IFT172: variants seen among roughly 807,000 people sequenced by gnomAD.
IFT172 encodes the protein intraflagellar transport protein 172 homolog.
A neutral mutation model predicts 248.9 loss-of-function variants in IFT172; 164 were observed. The observed-to-expected ratio is 0.66, with a 90% CI of 0.58 to 0.75. IFT172 has a LOEUF of 0.75. IFT172 is among the 30% of genes least tolerant of loss of function. The pLI is 0.00. For missense variants in IFT172, 1,950 were observed against 2,192.4 expected (o/e 0.89, Z 2.21); for synonymous variants, 729 against 791.6 (o/e 0.92, Z 1.33).
intron 23 of IFT172, among the ~76,000 whole-genome samples, chr2:27,460,801 G>A (rs1468415843): frequency 2.3e-5 from 3 of 132,720 alleles, no homozygotes; most frequent in African/African-American, 2.9e-5. Flanking sequence ...AGAGGCTGGC[G>A]GGATCCTCCA....
chr2:27,488,777 G>A (rs1157529530), intron 1 of IFT172, among the ~76,000 whole-genome samples: 1 of 152,156 alleles, frequency 6.6e-6, no homozygotes, highest in Non-Finnish European at 1.5e-5. Context: ...TATAATAAAG[G>A]CTAAAGTTAG....
Position 27,472,294 on chromosome 2 carries a change from T to C in IFT172, c.1480A>G (p.Asn494Asp). 6.2e-7 allele frequency: 1 copy of C among 1,614,050 alleles called. No homozygotes were observed. Among genetic ancestry groups the C allele is most frequent in the Non-Finnish European group, 8.5e-7 (1 of 1,180,004 alleles). The change falls in exon 15 of 48, where the codon AAT (asparagine) becomes GAT (aspartate). Residue 494 changes from asparagine to aspartate, a missense_variant. Around this residue, in one of 3 missense-constraint regions of IFT172, gnomAD observed 1,166 missense variants for 1,254.1 expected, o/e 0.93. Transcript: ENST00000260570. ...AAGAGGAGCTTGTGTCCAGTCTCAT[T>C]AAGTTCCAGCCAATCCACACGGCTC... ...HESRVDWLEL[N>D]ETGHKLLFRD...
chr2:27,476,353 C>T (rs1446082902), intron 14 of IFT172, among the ~76,000 whole-genome samples: 2 of 152,118 alleles, frequency 1.3e-5, no homozygotes, highest in Non-Finnish European at 2.9e-5. Flanking sequence ...TCACTGCAGC[C>T]TTGGACTACT....
rs1243013972 is a variant in IFT172 at position 27,463,111 on chromosome 2, C to T, written c.2008G>A (p.Val670Ile). 1.9e-6 allele frequency: 3 copies of T among 1,614,008 alleles called. No homozygotes were observed. The highest frequency in any genetic ancestry group is 2.5e-6 in the Non-Finnish European group (3 of 1,180,010). The change falls in exon 19 of 48, where the codon GTA becomes ATA. Residue 670 changes from valine to isoleucine, a missense_variant. Around this residue, in one of 3 missense-constraint regions of IFT172, gnomAD observed 1,166 missense variants for 1,254.1 expected, o/e 0.93. Transcript: ENST00000260570. ...ATAATACTTGCATATTCCCGGGATA[C>T]TTGATCTGCAATCTCATTGGTCTCA... is the stretch of plus-strand genomic sequence containing the variant. ...LHETNEIADQ[V>I]SREYGGEGTD...
chr2:27,451,524 G>A lies in IFT172; in HGVS notation c.3952-1428C>T, dbSNP rs562562082. On this transcript the variant is annotated intron_variant, in intron 35 of 47. Coordinates refer to ENST00000260570, the MANE Select transcript of IFT172 (RefSeq NM_015662.3). ...CACGCCTGTAATCCCAGCACTTTGG[G>A]AGGCCAAGGCTTGTGGATCATGAGG... 1.9e-4 allele frequency among the ~76,000 whole-genome samples: 29 copies of A among 152,318 alleles called. No individual in the cohort carries two copies. The South Asian group carries it at 5.8e-3, about 30-fold the overall frequency.
chr2:27,484,178 G>A (rs1668582593), intron 4 of IFT172, 49 bp downstream of exon 4: 1 of 1,604,726 alleles, frequency 6.2e-7, no homozygotes. Flanking sequence ...TAGATATACT[G>A]ATATATGTTT....
chr2:27,453,208 C>T lies in IFT172; in HGVS notation c.3951+176G>A, dbSNP rs778645452. ...CTGTCAGGGCTCTGTCTTATATCCACTTTTATAGCCTTCAGAGGTTCTGGC... is the reference window on the plus strand; with the variant it reads ...CTGTCAGGGCTCTGTCTTATATCCATTTTTATAGCCTTCAGAGGTTCTGGC... On this transcript the variant is annotated intron_variant, in intron 35 of 47. Coordinates refer to ENST00000260570, the MANE Select transcript of IFT172 (RefSeq NM_015662.3). The T allele has an allele frequency of 1.7e-5, 15 of 885,902 alleles. No individual in the cohort carries two copies. In the African/African-American group the frequency reaches 2.0e-4, roughly 12 times the overall value. 54.9% of individuals were successfully genotyped at this position (885,902 alleles called of 1,614,324 possible).
At chr2:27,446,150 C>A in intron 43 of IFT172, 110 bp downstream of exon 43, 1 of 1,326,378 alleles carries the variant, frequency 7.5e-7, no homozygotes, top group Non-Finnish European at 1.1e-6. Context: ...CTACATCCTC[C>A]GTAACATCAG....
intron 18 of IFT172, 87 bp from the exon 19 acceptor site, chr2:27,463,268 C>A (rs2148510856): frequency 9.5e-6 from 12 of 1,263,678 alleles, no homozygotes; most frequent in Non-Finnish European, 1.2e-5. Flanking sequence ...AATTGATGTA[C>A]ATCTATGATG....
chr2:27,468,442 C>A (rs1417222395), intron 16 of IFT172, among the ~76,000 whole-genome samples: 3 of 151,862 alleles, frequency 2.0e-5, no homozygotes, highest in Non-Finnish European at 4.4e-5. Flanking sequence ...CCATGTTAGC[C>A]AGGCTGATCT....
Position 27,462,380 on chromosome 2 carries a change from G to A in IFT172, c.2115+321C>T, listed in dbSNP as rs535763743. On this transcript the variant is annotated intron_variant, in intron 20 of 47. Transcript: ENST00000260570. ...AGCTCCTCAAATTGTATAAGCTTCC[G>A]GCCCACAAAACCTGGATCTACCCCT... 2.2e-4 allele frequency among the ~76,000 whole-genome samples: 34 copies of A among 152,046 alleles called. 1 individual carries two copies. The South Asian group carries it at 5.0e-3, about 22-fold the overall frequency.
intron 20 of IFT172, 66 bp downstream of exon 20, chr2:27,462,635 T>G: frequency 1.4e-6 from 2 of 1,425,278 alleles, no homozygotes; most frequent in Non-Finnish European, 2.0e-6. Flanking sequence ...CCCTTGAGTT[T>G]GTACCCCCTT....
In IFT172 at chr2:27,477,338, G is replaced by C. The variant is rs1442245160; in HGVS notation, c.1222-18C>G. The C allele has an allele frequency of 1.3e-6, 2 of 1,599,958 alleles. No individual in the cohort carries two copies. Among genetic ancestry groups the C allele is most frequent in the Admixed American group, 3.3e-5 (2 of 60,000 alleles). Reference sequence around the variant, plus strand: ...ATGCATACCTGGGAAAAATGGAGTTGTTATACGGTGGAAAGGCTACATGAA... The same window carrying C: ...ATGCATACCTGGGAAAAATGGAGTTCTTATACGGTGGAAAGGCTACATGAA... On this transcript the variant is annotated intron_variant, in intron 12 of 47. Transcript: ENST00000260570.
rs774008985 is a variant in IFT172 at position 27,477,985 on chromosome 2, T to C, written c.1167+10A>G. ...CTATTCCCCACCCTACCCTCAATTT[T>C]GGTTCCTACCTCACTAAGCCGATTA... On this transcript the variant is annotated intron_variant, in intron 11 of 47. Transcript: ENST00000260570. 8 of 1,614,012 alleles carry C rather than the reference T, an allele frequency of 5.0e-6. No homozygotes were observed. Among genetic ancestry groups the C allele is most frequent in the Non-Finnish European group, 6.8e-6 (8 of 1,179,958 alleles).
intron 30 of IFT172, 58 bp downstream of exon 30, chr2:27,456,453 C>T (rs980286739): frequency 4.7e-5 from 73 of 1,560,230 alleles, no homozygotes; most frequent in Admixed American, 6.0e-5. Flanking sequence ...AATTTTCTTT[C>T]TCTAGATAGT....
intron 21 of IFT172, 107 bp from the exon 22 acceptor site, chr2:27,461,624 A>C: frequency 1.3e-6 from 2 of 1,512,882 alleles, no homozygotes; most frequent in Non-Finnish European, 1.8e-6. Flanking sequence ...CTGGGTCAGC[A>C]GTATCCTAAC....
chr2:27,489,649 T>G lies in IFT172; in HGVS notation c.5A>C (p.His2Pro), dbSNP rs781257867. Residue 2 changes from histidine to proline, a missense_variant, in exon 1 of 48, where the codon CAC becomes CCC. His to Pro is a moderately conservative substitution (Grantham distance 77). Transcript: ENST00000260570. M[H>P]LKHLRTLLSP... ...CAGCAGGGTCCTCAGGTGCTTCAAGTGCATGACGCACACCTGTCTTTCAGA... is the reference window on the plus strand; with the variant it reads ...CAGCAGGGTCCTCAGGTGCTTCAAGGGCATGACGCACACCTGTCTTTCAGA... 5 of 1,611,772 alleles carry G rather than the reference T, an allele frequency of 3.1e-6. No homozygotes were observed. The African/African-American group carries it at 5.3e-5, about 17-fold the overall frequency.
chr2:27,451,694 A>G (rs1049376003), intron 35 of IFT172, among the ~76,000 whole-genome samples: 7 of 152,198 alleles, frequency 4.6e-5, no homozygotes, highest in Admixed American at 4.6e-4. Context: ...TAAACCCAGG[A>G]GGCGGAGCTT....
At chr2:27,446,498 G>GTTT (rs11430923) in intron 42 of IFT172, 143 bp from the exon 43 acceptor site, 48 of 587,238 alleles carry the variant, frequency 8.2e-5, no homozygotes, top group Non-Finnish European at 9.8e-5. Flanking sequence ...CTGGGTCTTA[G>GTTT]TTTTTTTTTT....
Sources: gnomAD v4.1 joint callset for allele counts (sites outside exome capture counted in the v4.1 genomes callset) on GRCh38, gnomAD v4.1.1 for gene constraint, gnomAD v4.1.1 regional missense constraint, MANE v1.5 for transcripts, NCBI Gene and HGNC (gene_info 2026-07-23, HGNC 2026-07-21) for gene names.